RAD51B: variants seen among roughly 807,000 people sequenced by gnomAD.
RAD51B encodes the protein RAD51 paralog B.
Under a neutral mutation model 42.2 loss-of-function variants are expected in RAD51B, and 38 were observed. The ratio of observed to expected loss-of-function variants is 0.90; its 90% CI spans 0.70 to 1.18. The LOEUF (loss-of-function observed/expected upper bound fraction) is 1.18. Among genes scored for constraint, RAD51B ranks in the 50% most tolerant of loss-of-function variants. The pLI, the probability that RAD51B is intolerant of heterozygous loss-of-function variation, is 0.00. For synonymous variants in RAD51B, 154 were observed against 145.2 expected, an observed-to-expected ratio of 1.06 and a Z score of -0.43; for missense variants, 373 against 400.7, an observed-to-expected ratio of 0.93 and a Z score of 0.59.
intron 3 of RAD51B, among the ~76,000 whole-genome samples, chr14:67,833,188 C>T (rs529496405): frequency 6.6e-6 from 1 of 152,196 alleles, no homozygotes; most frequent in Non-Finnish European, 1.5e-5. Context: ...CCAGCCTGGC[C>T]AACATGGCAA....
At chr14:67,930,026 G>A in intron 7 of RAD51B, among the ~76,000 whole-genome samples, 1 of 151,686 alleles carries the variant, frequency 6.6e-6, no homozygotes, top group East Asian at 1.9e-4. Flanking sequence ...GCTCACTTTT[G>A]GTTTCCGTTT....
chr14:67,962,324 G>A (rs1003569568), intron 7 of RAD51B, among the ~76,000 whole-genome samples: 4 of 152,120 alleles, frequency 2.6e-5, no homozygotes, highest in African/African-American at 9.7e-5. Flanking sequence ...CTGAAATGAG[G>A]AACTGAACCT....
At chr14:68,619,909 A>T (rs969290385) in intron 10 of RAD51B, among the ~76,000 whole-genome samples, 2 of 152,220 alleles carry the variant, frequency 1.3e-5, no homozygotes, top group African/African-American at 4.8e-5. Flanking sequence ...TGGCAAGCCT[A>T]TTCAGTCTCC....
At chr14:68,576,587 C>T (rs1889972938) in intron 10 of RAD51B, among the ~76,000 whole-genome samples, 1 of 152,296 alleles carries the variant, frequency 6.6e-6, no homozygotes. Flanking sequence ...CATGCCAGCC[C>T]TGGGGAATGC....
At chr14:68,493,779 T>G (rs1884274627) in intron 10 of RAD51B, among the ~76,000 whole-genome samples, 1 of 152,184 alleles carries the variant, frequency 6.6e-6, no homozygotes, top group Admixed American at 6.5e-5. Flanking sequence ...TCTTGGGAAT[T>G]TTGGAGTTTG....
intron 10 of RAD51B, among the ~76,000 whole-genome samples, chr14:68,517,597 G>A (rs1886251701): frequency 6.6e-6 from 1 of 152,184 alleles, no homozygotes; most frequent in Admixed American, 6.5e-5. Context: ...GAGAATCAGT[G>A]CTTTAGGGAG....
chr14:68,071,846 T>C (rs2076744636), intron 7 of RAD51B, among the ~76,000 whole-genome samples: 1 of 151,444 alleles, frequency 6.6e-6, no homozygotes, highest in Non-Finnish European at 1.5e-5. Context: ...GGTAGAACTC[T>C]TCTTCATCTG....
chr14:68,634,305 C>T (rs1892297638), intron 10 of RAD51B, among the ~76,000 whole-genome samples: 1 of 152,186 alleles, frequency 6.6e-6, no homozygotes, highest in Non-Finnish European at 1.5e-5. Flanking sequence ...ATTACTAGTA[C>T]ACCATCCCAA....
At chr14:67,833,352 G>A (rs993936264) in intron 3 of RAD51B, among the ~76,000 whole-genome samples, 1 of 152,074 alleles carries the variant, frequency 6.6e-6, no homozygotes, top group African/African-American at 2.4e-5. Flanking sequence ...CTCCAGCCTG[G>A]GTGACAGAGT....
At chr14:68,423,728 G>T (rs1200852253) in intron 9 of RAD51B, among the ~76,000 whole-genome samples, 3 of 152,058 alleles carry the variant, frequency 2.0e-5, no homozygotes, top group Non-Finnish European at 4.4e-5. Context: ...CTGTGGTGTG[G>T]TCACCTTCAA....
chr14:68,025,051 A>T (rs995151235), intron 7 of RAD51B, among the ~76,000 whole-genome samples: 1 of 152,016 alleles, frequency 6.6e-6, no homozygotes, highest in Admixed American at 6.6e-5. Flanking sequence ...GGTTTTTTTA[A>T]TCACAAAGGG....
chr14:67,856,750 T>C (rs1331161251), intron 4 of RAD51B, among the ~76,000 whole-genome samples: 1 of 152,160 alleles, frequency 6.6e-6, no homozygotes, highest in East Asian at 1.9e-4. Context: ...TTTAGTACAA[T>C]TAGACCTTTT....
chr14:68,611,254 C>G (rs1293081952), exon 11 of RAD51B: 6 of 702,324 alleles, frequency 8.5e-6, no homozygotes, highest in Non-Finnish European at 1.6e-5. Context: ...GTAACCCAGC[C>G]TAGTTTTTCA....
chr14:68,025,373 G>A (rs1231573319), intron 7 of RAD51B, among the ~76,000 whole-genome samples: 1 of 151,902 alleles, frequency 6.6e-6, no homozygotes, highest in Non-Finnish European at 1.5e-5. Flanking sequence ...GAGTTATGGA[G>A]GAGTCCCTCT....
At chr14:68,197,906 A>G (rs1447370160) in intron 7 of RAD51B, among the ~76,000 whole-genome samples, 2 of 152,136 alleles carry the variant, frequency 1.3e-5, no homozygotes, top group Non-Finnish European at 2.9e-5. Context: ...TATATGTACT[A>G]TAACTATGTC....
intron 11 of RAD51B, among the ~76,000 whole-genome samples, chr14:68,672,747 T>A (rs898965184): frequency 2.0e-5 from 3 of 152,156 alleles, no homozygotes; most frequent in African/African-American, 7.2e-5. Flanking sequence ...TCATAAGAGA[T>A]GGAAAATAAC....
intron 10 of RAD51B, among the ~76,000 whole-genome samples, chr14:68,639,553 A>C: frequency 6.6e-6 from 1 of 152,220 alleles, no homozygotes; most frequent in East Asian, 1.9e-4. Flanking sequence ...TATGTCAGCA[A>C]TAGGAATGAA....
At chr14:68,592,500 T>C (rs149129731) in intron 10 of RAD51B, among the ~76,000 whole-genome samples, 24 of 152,332 alleles carry the variant, frequency 1.6e-4, no homozygotes, top group African/African-American at 5.5e-4. Flanking sequence ...AGTATCACTA[T>C]GCAACTTTTC....
intron 7 of RAD51B, among the ~76,000 whole-genome samples, chr14:68,028,563 G>C (rs1168545389): frequency 6.6e-6 from 1 of 152,172 alleles, no homozygotes; most frequent in East Asian, 1.9e-4. Flanking sequence ...TGGGGTGCCG[G>C]GACTAACTTG....
Sources: gnomAD v4.1 joint callset for allele counts (sites outside exome capture counted in the v4.1 genomes callset) on GRCh38, gnomAD v4.1.1 for gene constraint, MANE v1.5 for transcripts, NCBI Gene and HGNC (gene_info 2026-07-23, HGNC 2026-07-21) for gene names.